SDK1: variants seen among roughly 807,000 people sequenced by gnomAD.
SDK1 encodes the protein sidekick cell adhesion molecule 1, also known as protein sidekick-1.
SDK1 carries 157 observed loss-of-function variants against 245.5 expected under a neutral mutation model. The observed-to-expected ratio is 0.64, with a 90% confidence interval of 0.56 to 0.73. The LOEUF (loss-of-function observed/expected upper bound fraction) is 0.73. Ranked by LOEUF, SDK1 falls within the 30% of genes least tolerant of loss-of-function variation. The probability of loss-of-function intolerance (pLI) is 0.00; values close to 1 mark genes in which losing one functional copy is unlikely to be tolerated. For synonymous variants in SDK1, 1,647 were observed against 1,278.5 expected (o/e 1.29, Z -6.15); for missense variants, 3,583 against 3,002.3 (o/e 1.19, Z -4.52).
At chr7:3,445,029 A>T (rs767509345) in intron 1 of SDK1, among the ~76,000 whole-genome samples, 51 of 152,200 alleles carry the variant, frequency 3.4e-4, no homozygotes, top group Non-Finnish European at 6.8e-4. Context: ...TATTTGTAGG[A>T]TACTTAGTAT....
At chr7:3,362,850 A>G (rs1780990351) in intron 1 of SDK1, among the ~76,000 whole-genome samples, 2 of 152,214 alleles carry the variant, frequency 1.3e-5, no homozygotes, top group Admixed American at 6.5e-5. Context: ...AACCTTGGAT[A>G]ATTTTACGAT....
chr7:4,260,063 T>C (rs1040444294), intron 44 of SDK1, among the ~76,000 whole-genome samples: 1 of 152,212 alleles, frequency 6.6e-6, no homozygotes, highest in African/African-American at 2.4e-5. Flanking sequence ...CGTCACCCGA[T>C]GAAGGAGAAG....
chr7:3,442,662 A>G (rs187617102), intron 1 of SDK1, among the ~76,000 whole-genome samples: 77 of 152,314 alleles, frequency 5.1e-4, no homozygotes, highest in Non-Finnish European at 9.4e-4. Context: ...AATATGGAAA[A>G]TTATTATAGT....
intron 5 of SDK1, among the ~76,000 whole-genome samples, chr7:3,848,764 C>A (rs1275242942): frequency 1.3e-5 from 2 of 151,990 alleles, no homozygotes; most frequent in Non-Finnish European, 2.9e-5. Context: ...CTCCGCCTCC[C>A]GAGTTCAAGC....
At chr7:3,545,206 A>C (rs1302892536) in intron 1 of SDK1, among the ~76,000 whole-genome samples, 2 of 152,132 alleles carry the variant, frequency 1.3e-5, no homozygotes, top group African/African-American at 4.8e-5. Flanking sequence ...TACTGTGCCC[A>C]ATGAGAAAGA....
chr7:3,859,406 A>G (rs927081781), intron 5 of SDK1, among the ~76,000 whole-genome samples: 2 of 152,138 alleles, frequency 1.3e-5, no homozygotes, highest in Admixed American at 6.5e-5. Context: ...GAACTTCAGT[A>G]ACAGAAAACC....
intron 1 of SDK1, among the ~76,000 whole-genome samples, chr7:3,552,100 G>A (rs557858936): frequency 4.6e-5 from 7 of 151,754 alleles, no homozygotes; most frequent in Admixed American, 2.0e-4. Flanking sequence ...GTGCGGTGGC[G>A]CAATCTTGGC....
intron 1 of SDK1, among the ~76,000 whole-genome samples, chr7:3,524,480 A>G (rs998605004): frequency 6.6e-6 from 1 of 152,116 alleles, no homozygotes; most frequent in African/African-American, 2.4e-5. Context: ...TGGGGAATAT[A>G]TTTTAAAGGC....
At chr7:3,981,274 C>T (rs1244140892) in intron 13 of SDK1, among the ~76,000 whole-genome samples, 7 of 152,174 alleles carry the variant, frequency 4.6e-5, no homozygotes, top group East Asian at 1.9e-4. Context: ...AGATGGCAAA[C>T]TTAAGCTATA....
intron 1 of SDK1, among the ~76,000 whole-genome samples, chr7:3,555,966 T>A (rs940762010): frequency 3.9e-5 from 6 of 152,010 alleles, no homozygotes; most frequent in African/African-American, 1.4e-4. Context: ...ACACTATCGG[T>A]GGGAATGTAA....
intron 1 of SDK1, among the ~76,000 whole-genome samples, chr7:3,307,217 C>T (rs1487190942): frequency 6.6e-6 from 1 of 152,020 alleles, no homozygotes; most frequent in Non-Finnish European, 1.5e-5. Flanking sequence ...TAAATTTCCC[C>T]CTAAGTATGT....
In SDK1 at chr7:4,049,409, C is replaced by T. The variant is rs2128165764; in HGVS notation, c.2664C>T (p.Phe888=). ...CCGTGAACTCCACCACCATTCAGTT[C>T]CTGTGGAACCCTCCGCCTCAGCAGT... ...TEAVNSTTIQ[F]LWNPPPQQFI... is the part of the protein sequence containing the mutation. The change falls in exon 18 of 45, where the codon TTC becomes TTT. Residue 888 remains phenylalanine (F), a synonymous_variant. Transcript: ENST00000404826. 1 of 1,614,194 alleles carries T rather than the reference C, an allele frequency of 6.2e-7. No homozygotes were observed. Among genetic ancestry groups the T allele is most frequent in the Non-Finnish European group, 8.5e-7 (1 of 1,180,030 alleles).
chr7:4,267,253 C>A lies in SDK1; in HGVS notation c.*1869C>A. 1 of 706,674 alleles carries A rather than the reference C, an allele frequency of 1.4e-6. No homozygotes were observed. Among genetic ancestry groups the A allele is most frequent in the Non-Finnish European group, 1.7e-6 (1 of 576,544 alleles). 43.8% of individuals were successfully genotyped at this position (706,674 alleles called of 1,614,324 possible). ...CCCTTCCTCTCTTCTTTCCTCCCTC[C>A]CTCCCTCCTTCCCTCCCTTCCTTCC... is the stretch of plus-strand genomic sequence containing the variant. On this transcript the variant is annotated 3_prime_UTR_variant, in exon 45 of 45. Coordinates refer to ENST00000404826, the MANE Select transcript of SDK1 (RefSeq NM_152744.4).
At chr7:4,032,609 A>G (rs1562700913) in intron 17 of SDK1, among the ~76,000 whole-genome samples, 1 of 139,054 alleles carries the variant, frequency 7.2e-6, no homozygotes, top group Non-Finnish European at 1.5e-5. Context: ...TATGAGCAAT[A>G]AAGAATTTAG....
At chr7:3,844,740 T>G (rs1255142549) in intron 5 of SDK1, among the ~76,000 whole-genome samples, 1 of 152,182 alleles carries the variant, frequency 6.6e-6, no homozygotes, top group Non-Finnish European at 1.5e-5. Flanking sequence ...AGAACCTCAC[T>G]GTTTGCCCAA....
chr7:3,879,568 C>A (rs1781156043), intron 5 of SDK1, among the ~76,000 whole-genome samples: 1 of 152,194 alleles, frequency 6.6e-6, no homozygotes, highest in East Asian at 1.9e-4. Context: ...TGTACCGGCT[C>A]CTGGCAGCCA....
At chr7:3,899,419 T>C (rs528360101) in intron 5 of SDK1, among the ~76,000 whole-genome samples, 1 of 152,344 alleles carries the variant, frequency 6.6e-6, no homozygotes, top group South Asian at 2.1e-4. Context: ...CCACGTGAGA[T>C]GCAACTTACA....
chr7:3,684,129 G>A (rs1254379367), intron 4 of SDK1, among the ~76,000 whole-genome samples: 1 of 152,212 alleles, frequency 6.6e-6, no homozygotes, highest in South Asian at 2.1e-4. Context: ...AGCAGTGACA[G>A]GTGGTACACT....
chr7:3,406,505 TTC>T (rs893723832), intron 1 of SDK1, among the ~76,000 whole-genome samples: 2 of 152,104 alleles, frequency 1.3e-5, no homozygotes, highest in Non-Finnish European at 2.9e-5. Context: ...TGTTTAAATC[TTC>T]TCTCTCTCTC....
Sources: allele counts gnomAD v4.1 joint callset (sites outside exome capture counted in the v4.1 genomes callset), GRCh38; gene constraint gnomAD v4.1.1; transcripts MANE v1.5; gene names NCBI Gene and HGNC (gene_info 2026-07-23, HGNC 2026-07-21).